The following CCDC30 variants were observed in gnomAD, a reference collection of about 807,000 sequenced individuals.
The protein encoded by CCDC30 is coiled-coil domain-containing protein 30.
A neutral mutation model predicts 100.2 loss-of-function variants in CCDC30; 70 were observed. The observed-to-expected ratio is 0.70, with a 90% CI of 0.58 to 0.85. CCDC30 has a LOEUF of 0.85. Ranked by LOEUF, CCDC30 falls within the 40% of genes least tolerant of loss-of-function variation. The pLI is 0.00. For missense variants in CCDC30, 652 were observed against 771.2 expected (o/e 0.85, Z 1.83); for synonymous variants, 233 against 269.5 (o/e 0.86, Z 1.33).
At chr1:42,568,914 G>C (rs1467100659) in intron 7 of CCDC30, 4 of 149,116 alleles carry the variant, frequency 2.7e-5, no homozygotes, top group Non-Finnish European at 4.4e-5. Flanking sequence ...CTGCAATCCA[G>C]TCTGGGCGAC....
Position 42,542,544 on chromosome 1 carries a change from T to C in CCDC30, c.457-23752T>C, listed in dbSNP as rs938275654. 8.6e-4 allele frequency among the ~76,000 whole-genome samples: 81 copies of C among 94,204 alleles called. 10 individuals are homozygous for C. The East Asian group carries it at 0.026, about 30-fold the overall frequency. The allele number at this position is 94,204 out of a possible 152,430, so 61.8% of individuals were successfully genotyped here. ...CTGGCTAATTTTAAATTTTTCTTTT[T>C]TTTTTTTTTTTTTTTTTGAGACGGA... On this transcript the variant is annotated intron_variant, in intron 6 of 16. Transcript: ENST00000668663.
chr1:42,633,853 A>T (rs1048362795), intron 11 of CCDC30, among the ~76,000 whole-genome samples: 1 of 152,196 alleles, frequency 6.6e-6, no homozygotes, highest in African/African-American at 2.4e-5. Context: ...AAGACATTTA[A>T]TTGACTCACA....
chr1:42,546,976 G>A (rs1263892186), intron 6 of CCDC30, among the ~76,000 whole-genome samples: 1 of 152,160 alleles, frequency 6.6e-6, no homozygotes, highest in African/African-American at 2.4e-5. Context: ...ATATAGTCTA[G>A]ATGTAGACAA....
At chr1:42,557,761 AATT>A (rs1645402126) in intron 6 of CCDC30, among the ~76,000 whole-genome samples, 1 of 150,036 alleles carries the variant, frequency 6.7e-6, no homozygotes, top group South Asian at 2.1e-4. Flanking sequence ...AAGCTGATAA[AATT>A]AGGATAGTTA....
At chr1:42,562,843 A>G (rs1296248068) in intron 6 of CCDC30, among the ~76,000 whole-genome samples, 1 of 152,230 alleles carries the variant, frequency 6.6e-6, no homozygotes, top group African/African-American at 2.4e-5. Context: ...GCCAACAAAC[A>G]TATGAAGAAA....
intron 3 of CCDC30, among the ~76,000 whole-genome samples, chr1:42,486,329 A>G (rs1242636488): frequency 1.3e-5 from 2 of 152,248 alleles, no homozygotes; most frequent in African/African-American, 2.4e-5. Context: ...AGGACTGCTT[A>G]TAACAGTCAC....
At chr1:42,546,662 A>AT (rs1223986928) in intron 6 of CCDC30, among the ~76,000 whole-genome samples, 11 of 151,720 alleles carry the variant, frequency 7.3e-5, no homozygotes, top group Non-Finnish European at 5.9e-5. Context: ...TGCTGTCTCT[A>AT]TTTTACATTG....
rs530968474 is a variant in CCDC30, at chr1:42,507,242, A to G, written c.456+8326A>G. 2.0e-5 allele frequency among the ~76,000 whole-genome samples: 3 copies of G among 152,276 alleles called. No homozygotes were observed. In the East Asian group the frequency reaches 5.8e-4, roughly 29 times the overall value. ...GTGCCCAGCCTCAATTTTTTAATGA[A>G]ACCTCATAGACAATACCATCTAATC... On this transcript the variant is annotated intron_variant, in intron 6 of 16. Coordinates refer to ENST00000668663, the Ensembl canonical transcript of CCDC30.
chr1:42,529,293 GA>G (rs1644772291), intron 6 of CCDC30, among the ~76,000 whole-genome samples: 1 of 152,134 alleles, frequency 6.6e-6, no homozygotes, highest in South Asian at 2.1e-4. Flanking sequence ...CCAACATGGT[GA>G]AAATACAAAA....
chr1:42,479,320 G>C (rs547886781), intron 1 of CCDC30, among the ~76,000 whole-genome samples: 2 of 152,212 alleles, frequency 1.3e-5, no homozygotes, highest in South Asian at 4.1e-4. Flanking sequence ...AGGTTGCAGT[G>C]AGCCAAGGTT....
intron 11 of CCDC30, among the ~76,000 whole-genome samples, chr1:42,620,710 T>C (rs577033391): frequency 5.4e-4 from 82 of 152,080 alleles, no homozygotes; most frequent in Admixed American, 1.4e-3. Context: ...AGTGAAAGGA[T>C]ACAGATTAAA....
At chr1:42,505,705 TCC>T (rs1644384269) in intron 6 of CCDC30, among the ~76,000 whole-genome samples, 2 of 152,222 alleles carry the variant, frequency 1.3e-5, no homozygotes, top group Non-Finnish European at 2.9e-5. Flanking sequence ...TGGGTTTTTA[TCC>T]TTAAATACCT....
intron 6 of CCDC30, among the ~76,000 whole-genome samples, chr1:42,530,263 A>G (rs1644786620): frequency 6.6e-6 from 1 of 152,250 alleles, no homozygotes; most frequent in African/African-American, 2.4e-5. Context: ...CTCAAGAAGG[A>G]TAAGTACAGT....
chr1:42,655,609 G>C (rs1447462440), downstream of CCDC30, among the ~76,000 whole-genome samples: 2 of 152,004 alleles, frequency 1.3e-5, no homozygotes, highest in Non-Finnish European at 2.9e-5. Context: ...GCTTTTCCTG[G>C]GGGAGGGGGT....
intron 6 of CCDC30, among the ~76,000 whole-genome samples, chr1:42,545,837 G>A (rs562623192): frequency 3.7e-4 from 56 of 151,706 alleles, no homozygotes; most frequent in Non-Finnish European, 6.5e-4. Context: ...CCACCTACTC[G>A]GGAGGCTGAG....
chr1:42,653,563 G>A (rs1236210297), intron 16 of CCDC30, 120 bp downstream of exon 20: 1 of 699,102 alleles, frequency 1.4e-6, no homozygotes, highest in Non-Finnish European at 2.5e-6. Flanking sequence ...TAGCTTTCTG[G>A]GGTCATTTTC....
intron 11 of CCDC30, among the ~76,000 whole-genome samples, chr1:42,617,426 C>T (rs1351505159): frequency 6.6e-6 from 1 of 152,104 alleles, no homozygotes; most frequent in Admixed American, 6.5e-5. Context: ...ATGTAACACC[C>T]AATGGGTTCT....
At chr1:42,456,802 G>A in the CCDC30 span, 6 of 1,613,338 alleles carry the variant, frequency 3.7e-6, no homozygotes, top group South Asian at 1.1e-5. Flanking sequence ...CCGGCTACGG[G>A]GTCCTGTTCT....
At chr1:42,505,547 A>G (rs1182987351) in intron 6 of CCDC30, among the ~76,000 whole-genome samples, 1 of 152,202 alleles carries the variant, frequency 6.6e-6, no homozygotes, top group Non-Finnish European at 1.5e-5. Context: ...TTGTTTGTAG[A>G]ATAAAGTTTA....
Sources: allele counts gnomAD v4.1 joint callset (sites outside exome capture counted in the v4.1 genomes callset), GRCh38; gene constraint gnomAD v4.1.1; transcripts MANE v1.5; gene names NCBI Gene and HGNC (gene_info 2026-07-23, HGNC 2026-07-21).